Variants in TNIP1 observed in about 807,000 individuals in gnomAD.
The protein encoded by TNIP1 is TNFAIP3 interacting protein 1, also known as TNFAIP3-interacting protein 1.
A neutral mutation model predicts 86.6 loss-of-function variants in TNIP1; 22 were observed. That is an observed-to-expected ratio of 0.25 (90% CI 0.18 to 0.36). TNIP1 has a LOEUF of 0.36. TNIP1 is among the 10% of genes least tolerant of loss of function. The pLI, the probability that TNIP1 is intolerant of heterozygous loss-of-function variation, is 1.00. For synonymous variants in TNIP1, 294 were observed against 313.0 expected, an observed-to-expected ratio of 0.94 and a Z score of 0.64; for missense variants, 709 against 820.6, an observed-to-expected ratio of 0.86 and a Z score of 1.66.
chr5:151,059,938 A>T (rs1169711998), intron 5 of TNIP1, among the ~76,000 whole-genome samples: 1 of 150,466 alleles, frequency 6.6e-6, no homozygotes, highest in African/African-American at 2.4e-5. Context: ...AGTCTGCACA[A>T]AGAGCAAATC....
At chr5:151,069,766 A>G (rs114061495) in intron 1 of TNIP1, among the ~76,000 whole-genome samples, 161 of 152,312 alleles carry the variant, frequency 1.1e-3, no homozygotes, top group African/African-American at 3.8e-3. Context: ...AGAGAGGTCT[A>G]TTCTAGTGTC....
chr5:151,033,435 C>G lies in TNIP1; in HGVS notation c.1779+173G>C, dbSNP rs141201731. On this transcript the variant is annotated intron_variant, in intron 16 of 17. Transcript: ENST00000521591. ...CAGCCCTGCGGGACTGTGGCCAGAT[C>G]CCTGCCCCTGGGTAGCAGCCCAGAG... The G allele has an allele frequency of 3.5e-3, 1,617 of 460,556 alleles. 22 individuals are homozygous for G. The highest frequency in any genetic ancestry group is 0.03 in the African/African-American group (1,487 of 49,810). The allele number at this position is 460,556 out of a possible 1,614,324, so 28.5% of individuals were successfully genotyped here. A position where few individuals can be genotyped will look rare whatever the true frequency, so the allele number is the denominator to read the frequency against.
chr5:151,087,684 G>A (rs1482656110), upstream of TNIP1: 4 of 152,210 alleles, frequency 2.6e-5, no homozygotes, highest in Non-Finnish European at 4.4e-5. Context: ...TGGATGTCAA[G>A]TAAGGCCTTA....
chr5:151,051,563 T>C (rs1458509253), intron 7 of TNIP1, among the ~76,000 whole-genome samples: 1 of 152,204 alleles, frequency 6.6e-6, no homozygotes, highest in African/African-American at 2.4e-5. Flanking sequence ...TCCAAGGGCT[T>C]GTCAAGCTCT....
intron 5 of TNIP1, among the ~76,000 whole-genome samples, chr5:151,059,850 TGTGTGTGTGTGTGTGTGCGCGC>T (rs1276277599): frequency 2.0e-5 from 2 of 99,526 alleles, no homozygotes; most frequent in Non-Finnish European, 4.0e-5. Flanking sequence ...TGTGTGTGTG[TGTGTGTGTGTGTGTGTGCGCGC>T]GCGCGCGCGC....
At chr5:151,055,245 G>GA (rs1334873795) in intron 6 of TNIP1, among the ~76,000 whole-genome samples, 1 of 152,038 alleles carries the variant, frequency 6.6e-6, no homozygotes, top group Admixed American at 6.5e-5. Context: ...AAGAGTATAA[G>GA]AAAAAATGTA....
In TNIP1 at chr5:151,030,716, C is replaced by G; in HGVS notation, c.1908G>C (p.Gln636His). The change falls in exon 18 of 18, where the codon CAG (glutamine) becomes CAC (histidine). Residue 636 changes from glutamine (Q) to histidine (H), a missense_variant. By Grantham distance (24) the Gln-to-His change is conservative (BLOSUM62 0). Transcript: ENST00000521591. The part of the protein sequence containing the change: ...ESPKNDREGP[Q>H] ...AGCCAAATGACACAATCTGGTCTCA[C>G]TGAGGCCCCTCACGGTCATTTTTTG... The G allele has an allele frequency of 6.2e-7, 1 of 1,613,630 alleles. No individual in the cohort carries two copies. Among genetic ancestry groups the G allele is most frequent in the Non-Finnish European group, 8.5e-7 (1 of 1,179,866 alleles).
chr5:151,046,258 A>C, intron 8 of TNIP1: 2 of 323,854 alleles, frequency 6.2e-6, no homozygotes, highest in South Asian at 4.3e-5. Flanking sequence ...CACTCTCCTC[A>C]CTCCCTACAC....
At position 151,030,745 on chromosome 5, in the gene TNIP1, ACT is replaced by A. The variant is rs779430533; in HGVS notation, c.1877_1878del (p.Glu626ValfsTer5). On this transcript the variant is annotated frameshift_variant and splice_region_variant, in exon 18 of 18. Transcript: ENST00000521591. LOFTEE classifies it high-confidence loss of function. ...GGCCCCTCACGGTCATTTTTTGGAG[ACT>A]CTAAATAAACAAAAATTTTGAGGAC... ...DPPTARPTEP[E>X]SPKNDREGPQ 1.2e-6 allele frequency: 2 copies of A among 1,602,652 alleles called. No individual in the cohort carries two copies. The highest frequency in any genetic ancestry group is 1.7e-6 in the Non-Finnish European group (2 of 1,176,720).
intron 3 of TNIP1, among the ~76,000 whole-genome samples, chr5:151,063,271 G>A (rs573136869): frequency 6.6e-6 from 1 of 152,264 alleles, no homozygotes; most frequent in South Asian, 2.1e-4. Flanking sequence ...CTTGGAGTGC[G>A]ATGCCTGGCA....
At chr5:151,086,696 C>T (rs891111194) in intron 1 of TNIP1, among the ~76,000 whole-genome samples, 1 of 152,178 alleles carries the variant, frequency 6.6e-6, no homozygotes, top group African/African-American at 2.4e-5. Context: ...ACACAAACAC[C>T]CACATCCATA....
chr5:151,073,230 A>G (rs1763014992), intron 1 of TNIP1, among the ~76,000 whole-genome samples: 1 of 151,424 alleles, frequency 6.6e-6, no homozygotes, highest in African/African-American at 2.4e-5. Flanking sequence ...TCAAAAGAAA[A>G]AAAAAAAAAA....
intron 11 of TNIP1, among the ~76,000 whole-genome samples, chr5:151,040,019 G>A (rs909947028): frequency 5.3e-5 from 8 of 152,176 alleles, no homozygotes; most frequent in Non-Finnish European, 7.3e-5. Context: ...GGGAAGTGAC[G>A]TACCCAAGGC....
At position 151,070,131 on chromosome 5, in the gene TNIP1, G is replaced by A. The variant is rs542269143; in HGVS notation, c.-36-5000C>T. On this transcript the variant is annotated intron_variant, in intron 1 of 17. Coordinates refer to ENST00000521591, the MANE Select transcript of TNIP1 (RefSeq NM_006058.5). ...CCTCAGGTGCCTCATCTGTAAAGCA[G>A]GAGTAATAATAGAACCTACCTGATA... Among the ~76,000 whole-genome samples the A allele has an allele frequency of 1.2e-4, 19 of 152,214 alleles. 1 individual carries two copies. In the South Asian group the frequency reaches 3.5e-3, roughly 28 times the overall value.
upstream of TNIP1, among the ~76,000 whole-genome samples, chr5:151,085,422 A>G (rs1764239176): frequency 6.6e-6 from 1 of 152,228 alleles, no homozygotes; most frequent in African/African-American, 2.4e-5. Context: ...AGCTTGCCCT[A>G]GACATCAGAC....
upstream of TNIP1, among the ~76,000 whole-genome samples, chr5:151,084,759 T>C (rs1214557921): frequency 4.6e-5 from 7 of 152,182 alleles, no homozygotes; most frequent in African/African-American, 1.7e-4. Flanking sequence ...AGAGCAGCCC[T>C]GGGTCCCTTC....
At chr5:151,039,771 G>C (rs963142658) in intron 11 of TNIP1, among the ~76,000 whole-genome samples, 1 of 152,258 alleles carries the variant, frequency 6.6e-6, no homozygotes, top group East Asian at 1.9e-4. Flanking sequence ...GCCTAGAGGA[G>C]AGATGACACG....
chr5:151,076,944 A>C (rs1763463522), intron 1 of TNIP1, among the ~76,000 whole-genome samples: 2 of 152,254 alleles, frequency 1.3e-5, no homozygotes, highest in Non-Finnish European at 2.9e-5. Flanking sequence ...AGGACAACTC[A>C]TCCAGAGGGG....
intron 4 of TNIP1, among the ~76,000 whole-genome samples, chr5:151,060,839 G>A (rs1350230970): frequency 1.3e-5 from 2 of 152,256 alleles, no homozygotes; most frequent in Non-Finnish European, 2.9e-5. Context: ...CAAGACTGCA[G>A]ATCCAGCATT....
Sources: gnomAD v4.1 joint callset for allele counts (sites outside exome capture counted in the v4.1 genomes callset) on GRCh38, gnomAD v4.1.1 for gene constraint, MANE v1.5 for transcripts, NCBI Gene and HGNC (gene_info 2026-07-23, HGNC 2026-07-21) for gene names.